The following SNTG1 variants were observed in gnomAD, a reference collection of about 807,000 sequenced individuals.
The protein encoded by SNTG1 is syntrophin gamma 1.
In SNTG1, 39 loss-of-function variants were observed where a neutral mutation model predicts 74.7. That is an observed-to-expected ratio of 0.52 (90% CI 0.40 to 0.68). The LOEUF is 0.68. Among genes scored for constraint, SNTG1 ranks in the 30% least tolerant of loss-of-function variants. The probability of loss-of-function intolerance (pLI) is 0.00; values close to 1 mark genes in which losing one functional copy is unlikely to be tolerated. For missense variants in SNTG1, 685 were observed against 609.5 expected (o/e 1.12, Z -1.30); for synonymous variants, 254 against 217.1 (o/e 1.17, Z -1.49).
intron 1 of SNTG1, among the ~76,000 whole-genome samples, chr8:50,105,521 T>C (rs1448579151): frequency 6.6e-6 from 1 of 152,020 alleles, no homozygotes; most frequent in African/African-American, 2.4e-5. Context: ...TTGTTTTGGC[T>C]CTTTGGGCTC....
chr8:50,233,346 T>C (rs1004073424), intron 2 of SNTG1, among the ~76,000 whole-genome samples: 21 of 151,686 alleles, frequency 1.4e-4, no homozygotes, highest in African/African-American at 5.1e-4. Flanking sequence ...TGGTAACAAT[T>C]GGATATCAAC....
intron 9 of SNTG1, among the ~76,000 whole-genome samples, chr8:50,503,516 A>G (rs946890946): frequency 1.3e-5 from 2 of 152,194 alleles, no homozygotes; most frequent in African/African-American, 2.4e-5. Flanking sequence ...TTACAATCAT[A>G]AAACTGTTCC....
At chr8:50,661,656 G>A (rs1178794685) in intron 15 of SNTG1, among the ~76,000 whole-genome samples, 1 of 152,018 alleles carries the variant, frequency 6.6e-6, no homozygotes, top group Non-Finnish European at 1.5e-5. Flanking sequence ...CTAGGTTTTA[G>A]GCCCTGCATG....
At chr8:50,160,281 C>T (rs1563676561) in intron 1 of SNTG1, among the ~76,000 whole-genome samples, 1 of 152,152 alleles carries the variant, frequency 6.6e-6, no homozygotes, top group Non-Finnish European at 1.5e-5. Flanking sequence ...AGCAAATTGA[C>T]TTTCAATAAT....
rs10629764 is a variant in SNTG1, at chr8:49,938,603, T to TTTCTTTTCTTTCTTTCTTTCTTTCTTTC, written c.-103+26374_-103+26375insCTTTTCTTTCTTTCTTTCTTTCTTTCTT. Among the ~76,000 whole-genome samples, 32 of 74,760 alleles carry TTTCTTTTCTTTCTTTCTTTCTTTCTTTC rather than the reference T, an allele frequency of 4.3e-4. 1 individual carries two copies. The highest frequency in any genetic ancestry group is 1.4e-3 in the African/African-American group (32 of 22,134). 49.0% of individuals were successfully genotyped at this position (74,760 alleles called of 152,430 possible). ...TTTTCTTTTCTTTTCTTTTCTTTTC[T>TTTCTTTTCTTTCTTTCTTTCTTTCTTTC]TTTCTTTCTTTCTTTCTTTCTTTCT... is the stretch of plus-strand genomic sequence containing the variant. On this transcript the variant is annotated intron_variant, in intron 1 of 18. Coordinates refer to ENST00000642720, the MANE Select transcript of SNTG1 (RefSeq NM_018967.5).
chr8:50,256,477 T>C (rs1227123185), intron 2 of SNTG1, among the ~76,000 whole-genome samples: 1 of 152,004 alleles, frequency 6.6e-6, no homozygotes, highest in Non-Finnish European at 1.5e-5. Flanking sequence ...AACTAATATG[T>C]TCTAAAACTA....
intron 1 of SNTG1, among the ~76,000 whole-genome samples, chr8:50,014,405 G>C (rs1178111720): frequency 6.6e-6 from 1 of 151,804 alleles, no homozygotes; most frequent in East Asian, 1.9e-4. Context: ...ATTTTAGTTG[G>C]GAAAACGGAG....
At chr8:50,743,640 A>G (rs1177598085) in intron 17 of SNTG1, among the ~76,000 whole-genome samples, 1 of 148,516 alleles carries the variant, frequency 6.7e-6, no homozygotes, top group Non-Finnish European at 1.5e-5. Context: ...AGCCAGAGCT[A>G]TTAGGCAAGA....
At chr8:50,677,988 G>A (rs1449046661) in intron 15 of SNTG1, among the ~76,000 whole-genome samples, 1 of 151,870 alleles carries the variant, frequency 6.6e-6, no homozygotes, top group Non-Finnish European at 1.5e-5. Context: ...GGAGAGGAGG[G>A]CAAGGGGAGG....
chr8:50,561,821 T>C (rs1405702763), intron 12 of SNTG1, among the ~76,000 whole-genome samples: 1 of 152,202 alleles, frequency 6.6e-6, no homozygotes, highest in Non-Finnish European at 1.5e-5. Context: ...ACAAGCGACA[T>C]TTCCCATTGA....
chr8:50,497,504 G>C (rs1053170484), intron 8 of SNTG1, among the ~76,000 whole-genome samples: 1 of 151,654 alleles, frequency 6.6e-6, no homozygotes, highest in Non-Finnish European at 1.5e-5. Context: ...TCAATATATA[G>C]AGGTTATAAT....
intron 15 of SNTG1, among the ~76,000 whole-genome samples, chr8:50,696,276 ATGTC>A (rs749364027): frequency 1.6e-4 from 24 of 151,902 alleles, no homozygotes; most frequent in Admixed American, 4.6e-4. Flanking sequence ...TTTTGACAAA[ATGTC>A]TGTTCATGTC....
intron 1 of SNTG1, among the ~76,000 whole-genome samples, chr8:50,011,096 G>A (rs977932787): frequency 6.6e-6 from 1 of 151,916 alleles, no homozygotes. Flanking sequence ...ACTTCACATG[G>A]CCCTGCTTTG....
Position 50,583,920 on chromosome 8 carries a change from C to T in SNTG1, c.811-6959C>T, listed in dbSNP as rs187628964. Among the ~76,000 whole-genome samples the T allele has an allele frequency of 2.2e-3, 341 of 152,074 alleles. 1 individual carries two copies. The highest frequency in any genetic ancestry group is 7.3e-3 in the African/African-American group (301 of 41,462). On this transcript the variant is annotated intron_variant, in intron 12 of 18. Coordinates refer to ENST00000642720, the MANE Select transcript of SNTG1 (RefSeq NM_018967.5). ...TATATCTCCTAATGCTATCCCTCCC[C>T]GCTCCCTCCACCCCACGACAGGCCC...
At chr8:50,682,150 T>C (rs1230678022) in intron 15 of SNTG1, among the ~76,000 whole-genome samples, 1 of 152,138 alleles carries the variant, frequency 6.6e-6, no homozygotes, top group Non-Finnish European at 1.5e-5. Flanking sequence ...GGGTGTGACT[T>C]GCAGATGGAG....
intron 12 of SNTG1, among the ~76,000 whole-genome samples, chr8:50,555,211 G>A (rs774305179): frequency 2.0e-5 from 3 of 152,044 alleles, no homozygotes; most frequent in South Asian, 2.1e-4. Flanking sequence ...TTAACTGTTT[G>A]GAGATCCATA....
Position 50,231,825 on chromosome 8 carries a change from A to T in SNTG1, c.-28+59190A>T, listed in dbSNP as rs191787599. ...CACAATATGCTGAATATTGTTAATAACTGAGTACTGTACATTTCAGTTTTG... is the reference window on the plus strand; with the variant it reads ...CACAATATGCTGAATATTGTTAATATCTGAGTACTGTACATTTCAGTTTTG... On this transcript the variant is annotated intron_variant, in intron 2 of 18. Transcript: ENST00000642720. Among the ~76,000 whole-genome samples, 17 of 151,412 alleles carry T rather than the reference A, an allele frequency of 1.1e-4. No homozygotes were observed. In the East Asian group the frequency reaches 3.3e-3, roughly 29 times the overall value.
At chr8:50,314,905 G>A (rs1409271362) in intron 2 of SNTG1, among the ~76,000 whole-genome samples, 1 of 149,580 alleles carries the variant, frequency 6.7e-6, no homozygotes, top group African/African-American at 2.5e-5. Context: ...TCTACTAGGT[G>A]ATCATTACCT....
intron 9 of SNTG1, among the ~76,000 whole-genome samples, chr8:50,520,252 A>T (rs567220234): frequency 5.0e-4 from 76 of 152,290 alleles, no homozygotes; most frequent in African/African-American, 1.8e-3. Flanking sequence ...AGAAAACTGA[A>T]AATGGACCTC....
Sources: allele counts gnomAD v4.1 joint callset (sites outside exome capture counted in the v4.1 genomes callset), GRCh38; gene constraint gnomAD v4.1.1; transcripts MANE v1.5; gene names NCBI Gene and HGNC (gene_info 2026-07-23, HGNC 2026-07-21).